The following DOT1L variants were observed in gnomAD, a reference collection of about 807,000 sequenced individuals.
DOT1L encodes DOT1 like histone lysine methyltransferase.
In DOT1L, 33 loss-of-function variants were observed where a neutral mutation model predicts 153.3. That is an observed-to-expected ratio of 0.22 (90% CI 0.16 to 0.29). DOT1L has a LOEUF of 0.29. DOT1L is among the 10% of genes least tolerant of loss of function. The pLI is 1.00. For missense variants in DOT1L, 1,847 were observed against 2,119.9 expected, an observed-to-expected ratio of 0.87 and a Z score of 2.53; for synonymous variants, 1,135 against 965.1, an observed-to-expected ratio of 1.18 and a Z score of -3.26.
Position 2,231,975 on chromosome 19 carries a change from G to A in DOT1L, c.*2183G>A. On this transcript the variant is annotated 3_prime_UTR_variant, in exon 28 of 28. Coordinates refer to ENST00000398665, the MANE Select transcript of DOT1L (RefSeq NM_032482.3). ...TCACCACACGTGAACTAGTGTGGTG[G>A]CTGCCTGCGGACACCCTCCTGTTCT... is the stretch of plus-strand genomic sequence containing the variant. 4.8e-6 allele frequency: 1 copy of A among 209,966 alleles called. No homozygotes were observed. Among genetic ancestry groups the A allele is most frequent in the East Asian group, 7.1e-5 (1 of 14,092 alleles). The allele number at this position is 209,966 out of a possible 1,614,324, so 13.0% of individuals were successfully genotyped here.
chr19:2,210,878 C>G, intron 14 of DOT1L, 23 bp downstream of exon 14: 1 of 1,607,224 alleles, frequency 6.2e-7, no homozygotes, highest in Non-Finnish European at 8.5e-7. Context: ...CACGCCACGG[C>G]CCCCGCTCTC....
Position 2,211,816 on chromosome 19 carries a change from C to T in DOT1L, c.1531C>T (p.Leu511=). 1 of 1,571,206 alleles carries T rather than the reference C, an allele frequency of 6.4e-7. No individual in the cohort carries two copies. The highest frequency in any genetic ancestry group is 8.6e-7 in the Non-Finnish European group (1 of 1,157,908). ...YTKTPQYKAS[L]QELLGQEKEK... is the part of the protein sequence containing the mutation. ...AAAGACCCCCCAGTACAAGGCCAGCCTGCAGGAGCTGCTGGGCCAGGAGAA... is the reference window on the plus strand; with the variant it reads ...AAAGACCCCCCAGTACAAGGCCAGCTTGCAGGAGCTGCTGGGCCAGGAGAA... Residue 511 remains leucine, a synonymous_variant, in exon 16 of 28, where the codon CTG becomes TTG. Transcript: ENST00000398665.
chr19:2,228,369 G>A, intron 27 of DOT1L: 15 of 1,305,812 alleles, frequency 1.1e-5, no homozygotes, highest in Non-Finnish European at 1.5e-5. Context: ...AGCTAGCAGT[G>A]CGTATTGTGT....
Position 2,164,327 on chromosome 19 carries a change from C to T in DOT1L, c.81+62C>T, listed in dbSNP as rs1269194115. Reference sequence around the variant, plus strand: ...TCCCCTCCTCCGCCGCCCCTGGGGACACCCCAAACCCCCCCAAGCCGCGCT... The same window carrying T: ...TCCCCTCCTCCGCCGCCCCTGGGGATACCCCAAACCCCCCCAAGCCGCGCT... On this transcript the variant is annotated intron_variant, in intron 1 of 27. Coordinates refer to ENST00000398665, the MANE Select transcript of DOT1L (RefSeq NM_032482.3). 3.5e-6 allele frequency: 4 copies of T among 1,157,668 alleles called. No homozygotes were observed. The South Asian group carries it at 1.3e-4, about 37-fold the overall frequency. The allele number at this position is 1,157,668 out of a possible 1,614,324, so 71.7% of individuals were successfully genotyped here. A position where few individuals can be genotyped will look rare whatever the true frequency, so the allele number is the denominator to read the frequency against.
At chr19:2,192,231 C>T (rs1255524652) in intron 5 of DOT1L, among the ~76,000 whole-genome samples, 1 of 152,226 alleles carries the variant, frequency 6.6e-6, no homozygotes, top group South Asian at 2.1e-4. Context: ...TGGCAGCTCA[C>T]GCCTGTCATC....
intron 22 of DOT1L, among the ~76,000 whole-genome samples, chr19:2,219,668 G>C (rs1435983271): frequency 1.3e-5 from 2 of 152,206 alleles, no homozygotes; most frequent in South Asian, 2.1e-4. Context: ...ACCTTTGTTG[G>C]ACTTGGAGTG....
intron 3 of DOT1L, among the ~76,000 whole-genome samples, chr19:2,186,558 A>G (rs1489304978): frequency 6.6e-6 from 1 of 152,066 alleles, no homozygotes; most frequent in Non-Finnish European, 1.5e-5. Flanking sequence ...AGCTTAGGTG[A>G]GCCCCTCTCC....
intron 16 of DOT1L, chr19:2,213,270 G>C: frequency 2.5e-6 from 1 of 395,738 alleles, no homozygotes. Context: ...CTGCGTGGCT[G>C]GGGGCGCTGC....
chr19:2,209,758 AC>A (rs1369328203), intron 12 of DOT1L, among the ~76,000 whole-genome samples: 1 of 152,136 alleles, frequency 6.6e-6, no homozygotes, highest in East Asian at 1.9e-4. Flanking sequence ...CATGCGGAGA[AC>A]CCCGTACAGG....
intron 2 of DOT1L, among the ~76,000 whole-genome samples, chr19:2,185,139 C>G (rs1046105599): frequency 6.6e-6 from 1 of 152,146 alleles, no homozygotes; most frequent in Non-Finnish European, 1.5e-5. Flanking sequence ...CTCCTGACCT[C>G]GTGATCTGCC....
chr19:2,194,623 C>T (rs746453200), intron 7 of DOT1L, 46 bp downstream of exon 7: 1 of 1,592,270 alleles, frequency 6.3e-7, no homozygotes, highest in Non-Finnish European at 8.5e-7. Flanking sequence ...GGCCCCACCC[C>T]CGCTCCCACC....
chr19:2,187,840 T>A (rs1299728086), intron 3 of DOT1L, among the ~76,000 whole-genome samples: 1 of 149,290 alleles, frequency 6.7e-6, no homozygotes. Context: ...GAGAATGGTG[T>A]GAACCCGGGA....
chr19:2,180,333 T>C (rs2022173022), intron 1 of DOT1L, among the ~76,000 whole-genome samples: 1 of 152,176 alleles, frequency 6.6e-6, no homozygotes. Context: ...TCTGAGGGAC[T>C]TGGGCTGTGT....
chr19:2,192,824 C>T (rs2022853655), intron 5 of DOT1L, among the ~76,000 whole-genome samples: 2 of 152,206 alleles, frequency 1.3e-5, no homozygotes, highest in Admixed American at 1.3e-4. Flanking sequence ...TGCAGTCCAG[C>T]CTGGGTGACA....
Position 2,208,900 on chromosome 19 carries a change from T to C in DOT1L, c.964-35T>C, listed in dbSNP as rs767125585. The C allele has an allele frequency of 6.2e-6, 10 of 1,605,502 alleles. No individual in the cohort carries two copies. The highest frequency in any genetic ancestry group is 1.7e-5 in the Admixed American group (1 of 58,378). ...GACAAATCCGAACAGAGATTGGGAC[T>C]CCCTTCTAATCAGGGTTCTCTTTCT... On this transcript the variant is annotated intron_variant, in intron 11 of 27. Coordinates refer to ENST00000398665, the MANE Select transcript of DOT1L (RefSeq NM_032482.3). This position sits in a 1 kb window ranked among gnomAD's most constrained non-coding sequence, Gnocchi z 4.4.
At chr19:2,182,864 C>T (rs2022306957) in intron 2 of DOT1L, among the ~76,000 whole-genome samples, 1 of 152,130 alleles carries the variant, frequency 6.6e-6, no homozygotes, top group Admixed American at 6.5e-5. Context: ...CTTGTTTGAA[C>T]CTTGTGTGTT....
At chr19:2,164,376 A>C in intron 1 of DOT1L, 111 bp downstream of exon 1, 1 of 690,658 alleles carries the variant, frequency 1.4e-6, no homozygotes, top group African/African-American at 1.9e-5. Context: ...TGCGGAACGG[A>C]GACCCTGGAC....
chr19:2,210,097 T>G (rs1368353277), intron 12 of DOT1L, among the ~76,000 whole-genome samples: 1 of 152,178 alleles, frequency 6.6e-6, no homozygotes, highest in Non-Finnish European at 1.5e-5. Flanking sequence ...TCGTCTCCTG[T>G]CTTGGATGTG....
intron 1 of DOT1L, among the ~76,000 whole-genome samples, chr19:2,174,956 A>ATGTGTGTGTGTG (rs1473025203): frequency 9.9e-6 from 1 of 100,522 alleles, no homozygotes; most frequent in Non-Finnish European, 2.1e-5. Flanking sequence ...GTTTTTAAAT[A>ATGTGTGTGTGTG]TATGTGTGTG....
Sources: allele counts gnomAD v4.1 joint callset (sites outside exome capture counted in the v4.1 genomes callset), GRCh38; gene constraint gnomAD v4.1.1; non-coding constraint Gnocchi (gnomAD v3.1); transcripts MANE v1.5; gene names NCBI Gene and HGNC (gene_info 2026-07-23, HGNC 2026-07-21).